Variants in C6orf89 observed in about 807,000 individuals in gnomAD.
C6orf89 encodes the protein chromosome 6 open reading frame 89.
In C6orf89, 29 loss-of-function variants were observed where a neutral mutation model predicts 40.7. That is an observed-to-expected ratio of 0.71 (90% CI 0.53 to 0.97). The LOEUF is 0.97. C6orf89 is among the 50% of genes least tolerant of loss of function. The pLI is 0.00. For missense variants in C6orf89, 392 were observed against 429.1 expected (o/e 0.91, Z 0.76); for synonymous variants, 165 against 152.2 (o/e 1.08, Z -0.62).
chr6:36,880,963 T>C (rs1222110393), upstream of C6orf89, among the ~76,000 whole-genome samples: 2 of 152,232 alleles, frequency 1.3e-5, no homozygotes, highest in African/African-American at 4.8e-5. Flanking sequence ...TTTAAGGTGA[T>C]TAGGCCTCCT....
intron 1 of C6orf89, chr6:36,872,090 C>A: frequency 2.6e-6 from 1 of 386,828 alleles, no homozygotes; most frequent in South Asian, 6.3e-5. Flanking sequence ...CTGGGTACTT[C>A]TTTTCAGCAA....
intron 4 of C6orf89, among the ~76,000 whole-genome samples, chr6:36,906,576 A>G (rs2150700568): frequency 6.6e-6 from 1 of 152,344 alleles, no homozygotes; most frequent in East Asian, 1.9e-4. Flanking sequence ...GAACTCATGA[A>G]AATAGACTTT....
rs1435190296 is a variant in C6orf89, at chr6:36,925,151, A to T, written c.*1710A>T. 1.3e-5 allele frequency: 2 copies of T among 152,168 alleles called. No homozygotes were observed. Among genetic ancestry groups the T allele is most frequent in the East Asian group, 3.8e-4 (2 of 5,196 alleles). The allele number at this position is 152,168 out of a possible 1,614,324, so 9.4% of individuals were successfully genotyped here. A position where few individuals can be genotyped will look rare whatever the true frequency, so the allele number is the denominator to read the frequency against. On this transcript the variant is annotated 3_prime_UTR_variant, in exon 9 of 9. Transcript: ENST00000480824. ...AAAGTCATGTTGTTAAGCAGTTATGATTTAAGAGGTTTTAAGTCAGAGGGA... is the reference window on the plus strand; with the variant it reads ...AAAGTCATGTTGTTAAGCAGTTATGTTTTAAGAGGTTTTAAGTCAGAGGGA...
intron 1 of C6orf89, among the ~76,000 whole-genome samples, chr6:36,890,899 C>CATTTCAAT (rs1761181532): frequency 6.6e-6 from 1 of 152,090 alleles, no homozygotes; most frequent in Non-Finnish European, 1.5e-5. Flanking sequence ...TCTTTTAAAT[C>CATTTCAAT]GTATTAATCA....
chr6:36,907,179 A>C (rs1204017915), intron 4 of C6orf89, among the ~76,000 whole-genome samples: 1 of 152,172 alleles, frequency 6.6e-6, no homozygotes, highest in African/African-American at 2.4e-5. Context: ...CAAAACAGAC[A>C]AAACCACTGC....
chr6:36,874,590 G>A lies in C6orf89; in HGVS notation c.-628+2623G>A, dbSNP rs992543340. ...CTCTCAACCCTCTGGGGGCCGTCTC[G>A]GCCGCTGCTCCACGCCCCTCCACGT... is the stretch of plus-strand genomic sequence containing the variant. On this transcript the variant is annotated intron_variant, in intron 1 of 9. Transcript: ENST00000359359. The A allele has an allele frequency of 1.0e-5, 13 of 1,301,738 alleles. No individual in the cohort carries two copies. The Admixed American group carries it at 1.8e-4, about 18-fold the overall frequency. 80.6% of individuals were successfully genotyped at this position (1,301,738 alleles called of 1,614,324 possible). A position where few individuals can be genotyped will look rare whatever the true frequency, so the allele number is the denominator to read the frequency against.
At chr6:36,889,696 A>G (rs2150679178) in intron 1 of C6orf89, among the ~76,000 whole-genome samples, 1 of 152,306 alleles carries the variant, frequency 6.6e-6, no homozygotes, top group Admixed American at 6.5e-5. Context: ...TGGATTTTTA[A>G]ATAGCTATAT....
intron 1 of C6orf89, chr6:36,874,669 C>T: frequency 6.2e-7 from 1 of 1,602,618 alleles, no homozygotes; most frequent in Non-Finnish European, 8.5e-7. Context: ...TGGTGAGGCC[C>T]GGGCTCCGCG....
At position 36,894,509 on chromosome 6, in the gene C6orf89, A is replaced by T. The variant is rs1419085434; in HGVS notation, c.-114A>T. On this transcript the variant is annotated 5_prime_UTR_variant, in exon 2 of 9. Transcript: ENST00000480824. ...TCCCTTTACTCTATTTGCAGGAATC[A>T]TTGTAGTCAATCATTTTCCAGTTCT... 1.0e-6 allele frequency: 1 copy of T among 985,114 alleles called. No individual in the cohort carries two copies. Among genetic ancestry groups the T allele is most frequent in the African/African-American group, 1.7e-5 (1 of 57,368 alleles). The allele number at this position is 985,114 out of a possible 1,614,324, so 61.0% of individuals were successfully genotyped here. A position where few individuals can be genotyped will look rare whatever the true frequency, so the allele number is the denominator to read the frequency against.
At position 36,916,550 on chromosome 6, in the gene C6orf89, C is replaced by T. The variant is rs1470194222; in HGVS notation, c.801C>T (p.His267=). Residue 267 remains histidine (H), a synonymous_variant, in exon 7 of 9, where the codon CAC becomes CAT. Coordinates refer to ENST00000480824, the MANE Select transcript of C6orf89 (RefSeq NM_001286635.2). ...DASLNKCSFL[H]PEPVVGSKMH... ...CTTTAAACAAGTGCTCCTTTCTTCACCCAGAACCTGTTGTGGGGAGTAAGG... is the reference window on the plus strand; with the variant it reads ...CTTTAAACAAGTGCTCCTTTCTTCATCCAGAACCTGTTGTGGGGAGTAAGG... 8 of 1,614,210 alleles carry T rather than the reference C, an allele frequency of 5.0e-6. No homozygotes were observed. The highest frequency in any genetic ancestry group is 6.8e-6 in the Non-Finnish European group (8 of 1,180,042).
intron 4 of C6orf89, 42 bp from the exon 5 acceptor site, chr6:36,914,242 C>T (rs376167942): frequency 7.7e-6 from 12 of 1,560,558 alleles, no homozygotes; most frequent in East Asian, 2.3e-5. Flanking sequence ...ACCAGCTATG[C>T]TCTTTCAGTA....
chr6:36,879,390 G>T (rs1037749228), intron 2 of C6orf89, among the ~76,000 whole-genome samples: 2 of 152,052 alleles, frequency 1.3e-5, no homozygotes, highest in Non-Finnish European at 2.9e-5. Flanking sequence ...TTTATGATGC[G>T]GCTTGGCCCC....
intron 6 of C6orf89, among the ~76,000 whole-genome samples, chr6:36,915,197 T>TG (rs749421135): frequency 6.6e-6 from 1 of 151,980 alleles, no homozygotes; most frequent in African/African-American, 2.4e-5. Flanking sequence ...GGTGCCACCA[T>TG]GGGGGGGACA....
chr6:36,914,034 G>A (rs111619318), intron 4 of C6orf89, among the ~76,000 whole-genome samples: 1,543 of 152,236 alleles, frequency 0.01, 26 homozygotes, highest in African/African-American at 0.035. Context: ...GGTGGCATGC[G>A]CCTGTAGTTC....
At chr6:36,916,322 T>C (rs1207067951) in intron 6 of C6orf89, 123 bp from the exon 7 acceptor site, 7 of 1,027,958 alleles carry the variant, frequency 6.8e-6, no homozygotes, top group Non-Finnish European at 1.0e-5. Flanking sequence ...CTTAAGATAC[T>C]GTACTCATAT....
At chr6:36,893,604 A>G (rs1439720020) in intron 1 of C6orf89, among the ~76,000 whole-genome samples, 1 of 152,208 alleles carries the variant, frequency 6.6e-6, no homozygotes, top group Non-Finnish European at 1.5e-5. Flanking sequence ...GTGTGATACA[A>G]ACTGGGAGTT....
At chr6:36,871,931 T>C in exon 1 of C6orf89, 1 of 1,425,428 alleles carries the variant, frequency 7.0e-7, no homozygotes, top group Non-Finnish European at 9.4e-7. Flanking sequence ...GACAGGAGTA[T>C]TATGGAACTG....
At chr6:36,899,779 C>T in intron 3 of C6orf89, 146 bp downstream of exon 3, 1 of 713,484 alleles carries the variant, frequency 1.4e-6, no homozygotes, top group South Asian at 1.9e-5. Context: ...CCATGTGTTA[C>T]TAGGAAATTT....
rs928877673 is a variant in C6orf89, at chr6:36,928,861, A to G, written c.*5420A>G. On this transcript the variant is annotated 3_prime_UTR_variant, in exon 9 of 9. Coordinates refer to ENST00000480824, the MANE Select transcript of C6orf89 (RefSeq NM_001286635.2). ...AGTATGTGTTCAAGTGCAGGATACT[A>G]CAAACTGGTAAAGACTTCCACCATG... is the stretch of plus-strand genomic sequence containing the variant. The G allele has an allele frequency of 3.9e-5, 6 of 152,282 alleles. No individual in the cohort carries two copies. Among genetic ancestry groups the G allele is most frequent in the African/African-American group, 1.2e-4 (5 of 41,458 alleles). 9.4% of individuals were successfully genotyped at this position (152,282 alleles called of 1,614,324 possible).
Sources: gnomAD v4.1 joint callset for allele counts (sites outside exome capture counted in the v4.1 genomes callset) on GRCh38, gnomAD v4.1.1 for gene constraint, MANE v1.5 for transcripts, NCBI Gene and HGNC (gene_info 2026-07-23, HGNC 2026-07-21) for gene names.